Variants in ARPC3 observed in about 807,000 individuals in gnomAD.
ARPC3 encodes the protein actin related protein 2/3 complex subunit 3, also known as actin-related protein 2/3 complex subunit 3.
A neutral mutation model predicts 27.6 loss-of-function variants in ARPC3; 12 were observed. The ratio of observed to expected loss-of-function variants is 0.43; its 90% CI spans 0.28 to 0.70. The LOEUF is 0.70. ARPC3 is among the 30% of genes least tolerant of loss of function. The pLI, the probability that ARPC3 is intolerant of heterozygous loss-of-function variation, is 0.17. For missense variants in ARPC3, 153 were observed against 207.7 expected (o/e 0.74, Z 1.62); for synonymous variants, 53 against 67.2 (o/e 0.79, Z 1.03).
At chr12:110,441,895 G>A (rs898531505) in intron 2 of ARPC3, among the ~76,000 whole-genome samples, 2 of 151,534 alleles carry the variant, frequency 1.3e-5, no homozygotes, top group East Asian at 3.9e-4. Flanking sequence ...AGCCAAGCAT[G>A]GTGGCAGGCA....
chr12:110,440,944 GGC>G, intron 2 of ARPC3, among the ~76,000 whole-genome samples: 2 of 150,574 alleles, frequency 1.3e-5, no homozygotes, highest in African/African-American at 4.9e-5. Flanking sequence ...CCGGGTTCAC[GGC>G]ATTCTCCTGC....
intron 3 of ARPC3, among the ~76,000 whole-genome samples, chr12:110,437,656 C>T (rs2062413789): frequency 6.6e-6 from 1 of 152,136 alleles, no homozygotes; most frequent in Non-Finnish European, 1.5e-5. Context: ...GCATGAGCCA[C>T]CACGCTCGGC....
At chr12:110,437,355 A>G in intron 3 of ARPC3, 1 of 538,970 alleles carries the variant, frequency 1.9e-6, no homozygotes, top group Non-Finnish European at 3.3e-6. Context: ...CACAAGCCCC[A>G]CTCTGAGATG....
chr12:110,447,750 C>T (rs1016278250), intron 1 of ARPC3, among the ~76,000 whole-genome samples: 2 of 151,880 alleles, frequency 1.3e-5, no homozygotes, highest in East Asian at 3.9e-4. Context: ...TCCAGCCTGG[C>T]GACACAGCAA....
chr12:110,444,912 G>A (rs992932357), intron 2 of ARPC3: 2 of 165,658 alleles, frequency 1.2e-5, no homozygotes, highest in African/African-American at 4.8e-5. Context: ...ATCTCAGAAA[G>A]CATCAGAAGA....
At chr12:110,443,241 C>A (rs1365720940) in intron 2 of ARPC3, among the ~76,000 whole-genome samples, 1 of 151,890 alleles carries the variant, frequency 6.6e-6, no homozygotes, top group African/African-American at 2.4e-5. Flanking sequence ...GCCTCAGCCT[C>A]CCGAGTACCT....
chr12:110,447,879 T>A (rs1054383358), intron 1 of ARPC3, among the ~76,000 whole-genome samples: 1 of 149,420 alleles, frequency 6.7e-6, no homozygotes, highest in African/African-American at 2.5e-5. Flanking sequence ...TACAGGGATT[T>A]AGAGTCCTTT....
chr12:110,442,790 T>C (rs1487317201), intron 2 of ARPC3: 1 of 152,140 alleles, frequency 6.6e-6, no homozygotes, highest in Non-Finnish European at 1.5e-5. Context: ...TACAAGCTGT[T>C]GTAGGTAGCT....
At chr12:110,447,324 G>A (rs2062470368) in intron 1 of ARPC3, among the ~76,000 whole-genome samples, 1 of 152,186 alleles carries the variant, frequency 6.6e-6, no homozygotes, top group South Asian at 2.1e-4. Flanking sequence ...TTTACAAGAT[G>A]TCTGGCTTTT....
intron 3 of ARPC3, among the ~76,000 whole-genome samples, chr12:110,439,847 A>C (rs1230943017): frequency 1.3e-5 from 2 of 152,166 alleles, no homozygotes. Flanking sequence ...ACAAAACAAA[A>C]GGCTGGCACA....
At chr12:110,447,103 A>G (rs1415951275) in intron 1 of ARPC3, among the ~76,000 whole-genome samples, 1 of 152,224 alleles carries the variant, frequency 6.6e-6, no homozygotes, top group African/African-American at 2.4e-5. Context: ...GCCCCCAGCT[A>G]AACCAAGACC....
Position 110,438,886 on chromosome 12 carries a change from G to A in ARPC3, c.183+1426C>T, listed in dbSNP as rs145003184. The stretch of plus-strand genomic sequence containing the variant: ...TCAAGCTCCCGACCTCAGGTGATCC[G>A]CCCGCCTTGGCCTCCCAAATTACGG... On this transcript the variant is annotated intron_variant, in intron 3 of 6. Transcript: ENST00000228825. 3.5e-4 allele frequency among the ~76,000 whole-genome samples: 53 copies of A among 151,330 alleles called. No individual in the cohort carries two copies. The East Asian group carries it at 0.01, about 29-fold the overall frequency.
At chr12:110,444,668 G>A (rs540973459) in intron 2 of ARPC3, among the ~76,000 whole-genome samples, 3 of 152,148 alleles carry the variant, frequency 2.0e-5, no homozygotes, top group Non-Finnish European at 4.4e-5. Flanking sequence ...AGTAGAGACT[G>A]TGGTGACTCA....
At chr12:110,445,378 T>C (rs1453265539) in intron 2 of ARPC3, 74 bp downstream of exon 2, 4 of 1,196,378 alleles carry the variant, frequency 3.3e-6, no homozygotes, top group Non-Finnish European at 5.0e-6. Flanking sequence ...GCTAAGAATT[T>C]TTCTGATTTG....
intron 4 of ARPC3, 88 bp downstream of exon 4, chr12:110,436,996 A>G: frequency 2.1e-6 from 2 of 973,046 alleles, no homozygotes; most frequent in Admixed American, 1.8e-5. Flanking sequence ...ACTTGTCTTT[A>G]AAGTCTCAAC....
chr12:110,441,094 C>T (rs36012783), intron 2 of ARPC3, among the ~76,000 whole-genome samples: 13 of 151,918 alleles, frequency 8.6e-5, no homozygotes, highest in Non-Finnish European at 1.5e-4. Context: ...CCGCCCATCT[C>T]GGCCTCCCAA....
At chr12:110,436,530 A>G (rs894785417) in intron 5 of ARPC3, 27 bp downstream of exon 5, 1 of 1,613,676 alleles carries the variant, frequency 6.2e-7, no homozygotes, top group Non-Finnish European at 8.5e-7. Context: ...CTTGTGTCAC[A>G]GAGTGAGGAT....
At position 110,445,469 on chromosome 12, in the gene ARPC3, C is replaced by T; in HGVS notation, c.89G>A (p.Gly30Glu). ...ALLPIRSQFK[G>E]PAPRETKDTD... ...AGACTTACTCTCTCTGGGGGCAGGTCCTTTGAATTGACTTCTGATAGGCAA... is the reference window on the plus strand; with the variant it reads ...AGACTTACTCTCTCTGGGGGCAGGTTCTTTGAATTGACTTCTGATAGGCAA... Residue 30 changes from glycine (G) to glutamate (E), a missense_variant, in exon 2 of 7, where the codon GGA becomes GAA. Physicochemically the swap from Gly to Glu is moderately conservative, Grantham distance 98 (BLOSUM62 -2). Transcript: ENST00000228825. The T allele has an allele frequency of 1.2e-6, 2 of 1,611,254 alleles. No homozygotes were observed. Among genetic ancestry groups the T allele is most frequent in the Non-Finnish European group, 1.7e-6 (2 of 1,177,450 alleles).
chr12:110,438,321 C>T (rs1414088132), intron 3 of ARPC3, among the ~76,000 whole-genome samples: 4 of 149,960 alleles, frequency 2.7e-5, no homozygotes, highest in Non-Finnish European at 3.0e-5. Flanking sequence ...AAAAAAAGGC[C>T]GGGTGCGGTG....
Sources: gnomAD v4.1 joint callset for allele counts (sites outside exome capture counted in the v4.1 genomes callset) on GRCh38, gnomAD v4.1.1 for gene constraint, MANE v1.5 for transcripts, NCBI Gene and HGNC (gene_info 2026-07-23, HGNC 2026-07-21) for gene names.